The following CADM1 variants were observed in gnomAD, a reference collection of about 807,000 sequenced individuals.
CADM1 encodes the protein cell adhesion molecule 1.
A neutral mutation model predicts 53.1 loss-of-function variants in CADM1; 15 were observed. That is an observed-to-expected ratio of 0.28 (90% CI 0.19 to 0.44). The LOEUF (loss-of-function observed/expected upper bound fraction) is 0.44. Among genes scored for constraint, CADM1 ranks in the 20% least tolerant of loss-of-function variants. The pLI is 1.00. For missense variants in CADM1, 434 were observed against 611.3 expected (o/e 0.71, Z 3.06); for synonymous variants, 281 against 243.0 (o/e 1.16, Z -1.45).
intron 1 of CADM1, among the ~76,000 whole-genome samples, chr11:115,382,314 T>C (rs993005352): frequency 2.0e-5 from 3 of 151,602 alleles, no homozygotes; most frequent in Admixed American, 6.6e-5. Flanking sequence ...AGATCCGGGG[T>C]AAGTCACACA....
intron 1 of CADM1, among the ~76,000 whole-genome samples, chr11:115,271,564 G>A (rs1943300340): frequency 6.6e-6 from 1 of 152,118 alleles, no homozygotes; most frequent in Non-Finnish European, 1.5e-5. Flanking sequence ...TTACAGGCGT[G>A]AGCCACCGCG....
chr11:115,456,543 T>G (rs1948687589), intron 1 of CADM1, among the ~76,000 whole-genome samples: 1 of 152,114 alleles, frequency 6.6e-6, no homozygotes, highest in Non-Finnish European at 1.5e-5. Context: ...AAAGTCTCAT[T>G]AAATTATCAT....
At chr11:115,198,342 T>C in intron 9 of CADM1, 64 bp downstream of exon 9, 1 of 1,260,328 alleles carries the variant, frequency 7.9e-7, no homozygotes, top group Non-Finnish European at 1.1e-6. Context: ...TTTCTCTTTT[T>C]CCCAGGCTTG....
intron 1 of CADM1, among the ~76,000 whole-genome samples, chr11:115,341,365 T>C (rs1945441838): frequency 6.6e-6 from 1 of 152,182 alleles, no homozygotes; most frequent in South Asian, 2.1e-4. Context: ...CAATTAGTAA[T>C]GACAACTACC....
At chr11:115,482,398 G>A (rs1316749071) in intron 1 of CADM1, among the ~76,000 whole-genome samples, 1 of 152,124 alleles carries the variant, frequency 6.6e-6, no homozygotes, top group Non-Finnish European at 1.5e-5. Context: ...TGTAAACCTA[G>A]TGCTTATCAG....
chr11:115,388,146 G>A (rs1946745552), intron 1 of CADM1, among the ~76,000 whole-genome samples: 1 of 152,010 alleles, frequency 6.6e-6, no homozygotes, highest in Non-Finnish European at 1.5e-5. Flanking sequence ...GAAAAGTAGT[G>A]AACTATACAC....
chr11:115,308,231 T>A (rs1944440539), intron 1 of CADM1, among the ~76,000 whole-genome samples: 1 of 137,628 alleles, frequency 7.3e-6, no homozygotes, highest in Non-Finnish European at 1.6e-5. Flanking sequence ...TGAGAAGGTT[T>A]TTGTCCTTAA....
At chr11:115,271,917 A>G (rs571481495) in intron 1 of CADM1, among the ~76,000 whole-genome samples, 2 of 152,332 alleles carry the variant, frequency 1.3e-5, no homozygotes, top group Admixed American at 1.3e-4. Flanking sequence ...TGTATTCAAC[A>G]TTAATCTATA....
At chr11:115,180,088 G>A (rs1028054842) in intron 10 of CADM1, among the ~76,000 whole-genome samples, 2 of 152,224 alleles carry the variant, frequency 1.3e-5, no homozygotes, top group East Asian at 1.9e-4. Context: ...GTACAGATCC[G>A]TGACAGCTAA....
At chr11:115,390,386 G>T (rs980358380) in intron 1 of CADM1, among the ~76,000 whole-genome samples, 1 of 151,878 alleles carries the variant, frequency 6.6e-6, no homozygotes, top group South Asian at 2.1e-4. Flanking sequence ...GGGGGGCAGG[G>T]AGGAGAGGGA....
rs115871917 is a variant in CADM1, at chr11:115,260,302, G to A, written c.125-19882C>T. Among the ~76,000 whole-genome samples, 296 of 152,324 alleles carry A rather than the reference G, an allele frequency of 1.9e-3. 1 individual carries two copies. Among genetic ancestry groups the A allele is most frequent in the African/African-American group, 6.2e-3 (259 of 41,568 alleles). ...AGGACAGTCTCTAATGATCCAATGT[G>A]CAGAGAGTAAGACAGGTAGAGCTCA... On this transcript the variant is annotated intron_variant, in intron 1 of 11. Coordinates refer to ENST00000331581, the MANE Select transcript of CADM1 (RefSeq NM_001301043.2).
chr11:115,357,584 T>G (rs915315909), intron 1 of CADM1, among the ~76,000 whole-genome samples: 2 of 152,180 alleles, frequency 1.3e-5, no homozygotes, highest in Admixed American at 6.5e-5. Flanking sequence ...GCATGTTACT[T>G]AACTGTTCTA....
chr11:115,259,060 ACTACAAC>A (rs1243913093), intron 1 of CADM1, among the ~76,000 whole-genome samples: 1 of 151,904 alleles, frequency 6.6e-6, no homozygotes, highest in Admixed American at 6.6e-5. Context: ...ATCTTGGCTT[ACTACAAC>A]CTCTGCTCCC....
intron 1 of CADM1, among the ~76,000 whole-genome samples, chr11:115,263,102 C>T (rs181884302): frequency 2.1e-3 from 314 of 152,356 alleles, no homozygotes; most frequent in Non-Finnish European, 3.5e-3. Flanking sequence ...GGAGGCGACG[C>T]GCCCCTTCAT....
intron 11 of CADM1, among the ~76,000 whole-genome samples, chr11:115,177,323 C>T (rs1939083197): frequency 6.6e-6 from 1 of 152,162 alleles, no homozygotes; most frequent in Admixed American, 6.5e-5. Context: ...AATAGACAGA[C>T]ATTACACAGC....
intron 1 of CADM1, among the ~76,000 whole-genome samples, chr11:115,402,670 T>C (rs1481705622): frequency 6.6e-6 from 1 of 152,124 alleles, no homozygotes; most frequent in African/African-American, 2.4e-5. Flanking sequence ...TGTGAACTGA[T>C]GCTCAACTTT....
chr11:115,236,155 C>G (rs923110396), intron 3 of CADM1, among the ~76,000 whole-genome samples: 2 of 152,192 alleles, frequency 1.3e-5, no homozygotes, highest in African/African-American at 4.8e-5. Context: ...CATCTTCAAC[C>G]TATCAAGAAG....
At chr11:115,390,994 A>G (rs1476962215) in intron 1 of CADM1, among the ~76,000 whole-genome samples, 1 of 152,190 alleles carries the variant, frequency 6.6e-6, no homozygotes, top group Non-Finnish European at 1.5e-5. Flanking sequence ...TCAGATTTCA[A>G]ATTGAATCCA....
intron 1 of CADM1, among the ~76,000 whole-genome samples, chr11:115,436,837 AT>A (rs1204352917): frequency 3.3e-5 from 5 of 152,286 alleles, no homozygotes; most frequent in Admixed American, 3.3e-4. Context: ...AGTGTATTTA[AT>A]TTTTGTTGAA....
Sources: gnomAD v4.1 joint callset for allele counts (sites outside exome capture counted in the v4.1 genomes callset) on GRCh38, gnomAD v4.1.1 for gene constraint, MANE v1.5 for transcripts, NCBI Gene and HGNC (gene_info 2026-07-23, HGNC 2026-07-21) for gene names.